GDF5: variants seen among roughly 807,000 people sequenced by gnomAD.
GDF5 encodes the protein growth/differentiation factor 5.
In GDF5, 17 loss-of-function variants were observed where a neutral mutation model predicts 34.6. That is an observed-to-expected ratio of 0.49 (90% CI 0.34 to 0.74). GDF5 has a LOEUF of 0.74. Ranked by LOEUF, GDF5 falls within the 30% of genes least tolerant of loss-of-function variation. The probability of loss-of-function intolerance (pLI) is 0.01; values close to 1 mark genes in which losing one functional copy is unlikely to be tolerated. For synonymous variants in GDF5, 332 were observed against 290.7 expected, an observed-to-expected ratio of 1.14 and a Z score of -1.44; for missense variants, 616 against 661.2, an observed-to-expected ratio of 0.93 and a Z score of 0.75.
chr20:35,446,342 A>G (rs973212578), intron 1 of GDF5, among the ~76,000 whole-genome samples: 1 of 152,160 alleles, frequency 6.6e-6, no homozygotes, highest in Non-Finnish European at 1.5e-5. Context: ...CTTGTATCAC[A>G]GAGTGGTTAT....
rs763975717 is a variant in GDF5, at chr20:35,434,812, T to G, written c.632-29A>C. 10 of 1,612,054 alleles carry G rather than the reference T, an allele frequency of 6.2e-6. No homozygotes were observed. In the East Asian group the frequency reaches 1.8e-4, roughly 29 times the overall value. ...GAGAGAACACCCAGAAGTCATTCCC[T>G]GCAACCTCACCAAGGGAGCCAGTCA... On this transcript the variant is annotated intron_variant, in intron 1 of 1. Transcript: ENST00000374369.
chr20:35,443,418 A>G (rs1027910747), intron 1 of GDF5, among the ~76,000 whole-genome samples: 1 of 152,098 alleles, frequency 6.6e-6, no homozygotes, highest in Non-Finnish European at 1.5e-5. Flanking sequence ...CCCTTCTGCC[A>G]TGTAGAGCCT....
Position 35,433,880 on chromosome 20 carries a change from C to T in GDF5, c.*29G>A. 6.2e-7 allele frequency: 1 copy of T among 1,601,240 alleles called. No individual in the cohort carries two copies. The highest frequency in any genetic ancestry group is 8.6e-7 in the Non-Finnish European group (1 of 1,168,388). On this transcript the variant is annotated 3_prime_UTR_variant, in exon 2 of 2. Coordinates refer to ENST00000374369, the MANE Select transcript of GDF5 (RefSeq NM_000557.5). ...TGCAGGAAGGGGCTCTTGGGATGTG[C>T]CACCCAGGAAGACAGAGGGCCAGTG...
chr20:35,450,747 A>C (rs1425709898), intron 1 of GDF5, among the ~76,000 whole-genome samples: 1 of 151,876 alleles, frequency 6.6e-6, no homozygotes, highest in Non-Finnish European at 1.5e-5. Flanking sequence ...AACAGGACCT[A>C]ATAGTCAGCA....
At chr20:35,449,310 G>C (rs1170230970) in intron 1 of GDF5, among the ~76,000 whole-genome samples, 1 of 151,162 alleles carries the variant, frequency 6.6e-6, no homozygotes, top group African/African-American at 2.4e-5. Flanking sequence ...GGGTCTTGCT[G>C]TGTTGCCCAG....
intron 1 of GDF5, among the ~76,000 whole-genome samples, chr20:35,453,534 AT>A (rs2062545179): frequency 6.6e-6 from 1 of 152,118 alleles, no homozygotes; most frequent in South Asian, 2.1e-4. Flanking sequence ...CTGTTGTGGG[AT>A]TATTTCCCTA....
In GDF5 at chr20:35,433,839, T is replaced by A; in HGVS notation, c.*70A>T. 3.1e-6 allele frequency: 4 copies of A among 1,294,282 alleles called. No individual in the cohort carries two copies. The highest frequency in any genetic ancestry group is 4.5e-6 in the Non-Finnish European group (4 of 890,510). The allele number at this position is 1,294,282 out of a possible 1,614,324, so 80.2% of individuals were successfully genotyped here. The stretch of plus-strand genomic sequence containing the variant: ...GCTCCTGCCACAGCTTCCTGACCCC[T>A]CTGTGATTCCAGGAGTGCAGGAAGG... On this transcript the variant is annotated 3_prime_UTR_variant, in exon 2 of 2. Coordinates refer to ENST00000374369, the MANE Select transcript of GDF5 (RefSeq NM_000557.5).
In GDF5 at chr20:35,434,086, G is replaced by A. The variant is rs950316163; in HGVS notation, c.1329C>T (p.Pro443=). Reference sequence around the variant, plus strand: ...GGGTCTGGATGACTGCATGATTCGTGGGCTCCAGGTGGGAGCGCAATGGGA... The same window carrying A: ...GGGTCTGGATGACTGCATGATTCGTAGGCTCCAGGTGGGAGCGCAATGGGA... The part of the protein sequence containing the change: ...CEFPLRSHLE[P]TNHAVIQTLM... The change falls in exon 2 of 2, where the codon CCC becomes CCT. Residue 443 remains proline (P), a synonymous_variant. Transcript: ENST00000374369. 1 of 1,614,132 alleles carries A rather than the reference G, an allele frequency of 6.2e-7. No homozygotes were observed. The highest frequency in any genetic ancestry group is 2.2e-5 in the East Asian group (1 of 44,882).
chr20:35,446,267 G>A (rs1308093693), intron 1 of GDF5, among the ~76,000 whole-genome samples: 1 of 151,810 alleles, frequency 6.6e-6, no homozygotes, highest in Non-Finnish European at 1.5e-5. Context: ...CTGAGATCCA[G>A]CCATTGCACT....
Position 35,434,222 on chromosome 20 carries a change from G to A in GDF5, c.1193C>T (p.Ala398Val). Residue 398 changes from alanine to valine, a missense_variant, in exon 2 of 2, where the codon GCT becomes GTT. Transcript: ENST00000374369. Reference protein sequence around the residue: ...QGKRPSKNLKARCSRKALHVN... With the variant: ...QGKRPSKNLKVRCSRKALHVN... The stretch of plus-strand genomic sequence containing the variant: ...ATGCAGTGCCTTCCGACTGCAGCGA[G>A]CCTTAAGGTTCTTGCTGGGTCGCTT... The A allele has an allele frequency of 6.2e-7, 1 of 1,614,218 alleles. No homozygotes were observed. The highest frequency in any genetic ancestry group is 8.5e-7 in the Non-Finnish European group (1 of 1,180,022).
At chr20:35,439,908 C>CTTTTTTTTTTT (rs34397706), upstream of GDF5, among the ~76,000 whole-genome samples, 2 of 71,634 alleles carry the variant, frequency 2.8e-5, no homozygotes, top group Non-Finnish European at 5.0e-5. Flanking sequence ...AGGCTTCCTT[C>CTTTTTTTTTTT]TTTTTTTTTT....
chr20:35,434,691 A>G lies in GDF5; in HGVS notation c.724T>C (p.Leu242=), dbSNP rs1185411341. ...GCCGTGTCCGAGGGCTTCTTCCGCA[A>G]GATCCGCAGCTCGGCCCCCAGCAGC... ...DGLLGAELRI[L]RKKPSDTAKP... Residue 242 remains leucine (L), a synonymous_variant, in exon 2 of 2, where the codon TTG becomes CTG. Transcript: ENST00000374369. The G allele has an allele frequency of 1.9e-6, 3 of 1,612,870 alleles. No homozygotes were observed. Among genetic ancestry groups the G allele is most frequent in the Non-Finnish European group, 2.5e-6 (3 of 1,179,748 alleles).
At chr20:35,434,841 C>G (rs750013214) in intron 1 of GDF5, 58 bp from the exon 2 acceptor site, 2 of 1,570,570 alleles carry the variant, frequency 1.3e-6, no homozygotes, top group Non-Finnish European at 1.8e-6. Flanking sequence ...CCAGTCACTT[C>G]GAGGCTGCGG....
chr20:35,434,376 G>T lies in GDF5; in HGVS notation c.1039C>A (p.Arg347Ser). Residue 347 changes from arginine to serine, a missense_variant, in exon 2 of 2, where the codon CGC becomes AGC. Physicochemically the swap from Arg to Ser is moderately radical, Grantham distance 110. Transcript: ENST00000374369. ...HEKALFLVFG[R>S]TKKRDLFFNE... ...AAGAACAGGTCCCGTTTCTTGGTGC[G>T]GCCAAACACCAGGAACAGGGCTTTC... The T allele has an allele frequency of 6.2e-7, 1 of 1,613,734 alleles. No homozygotes were observed. Among genetic ancestry groups the T allele is most frequent in the East Asian group, 2.2e-5 (1 of 44,872 alleles).
chr20:35,433,701 G>C lies in GDF5; in HGVS notation c.*208C>G. On this transcript the variant is annotated 3_prime_UTR_variant, in exon 2 of 2. Coordinates refer to ENST00000374369, the MANE Select transcript of GDF5 (RefSeq NM_000557.5). ...CTGCCACTGGTCACATCAGCAGACG[G>C]GCAGCAATCCTCAGCCAGGGGAACT... 1.6e-6 allele frequency: 1 copy of C among 638,686 alleles called. No individual in the cohort carries two copies. The highest frequency in any genetic ancestry group is 2.8e-6 in the Non-Finnish European group (1 of 351,602). The allele number at this position is 638,686 out of a possible 1,614,324, so 39.6% of individuals were successfully genotyped here.
chr20:35,444,200 G>A (rs527272440), intron 1 of GDF5, among the ~76,000 whole-genome samples: 3 of 152,270 alleles, frequency 2.0e-5, no homozygotes, highest in South Asian at 2.1e-4. Flanking sequence ...TCTCTTATGC[G>A]TTTGTTTGTC....
intron 1 of GDF5, among the ~76,000 whole-genome samples, chr20:35,452,516 G>A (rs1045381345): frequency 2.0e-5 from 3 of 152,160 alleles, no homozygotes; most frequent in African/African-American, 4.8e-5. Context: ...TCCGCCTCCC[G>A]GGTTCAAGTG....
At chr20:35,439,309 T>C (rs373609681), upstream of GDF5, among the ~76,000 whole-genome samples, 40 of 144,300 alleles carry the variant, frequency 2.8e-4, no homozygotes, top group African/African-American at 1.0e-3. Flanking sequence ...CTCACTGCAA[T>C]CTCTGCCTCC....
Position 35,433,588 on chromosome 20 carries a change from T to A in GDF5, c.*321A>T, listed in dbSNP as rs1601069551. The A allele has an allele frequency of 2.5e-6, 1 of 399,638 alleles. No individual in the cohort carries two copies. The highest frequency in any genetic ancestry group is 4.8e-6 in the Non-Finnish European group (1 of 209,538). The allele number at this position is 399,638 out of a possible 1,614,324, so 24.8% of individuals were successfully genotyped here. A position where few individuals can be genotyped will look rare whatever the true frequency, so the allele number is the denominator to read the frequency against. Reference sequence around the variant, plus strand: ...AGTCCAGAGGCTGAGAAGGCCCAGGTGAGGAGAAATGGTGGGCTGAGTCTC... The same window carrying A: ...AGTCCAGAGGCTGAGAAGGCCCAGGAGAGGAGAAATGGTGGGCTGAGTCTC... On this transcript the variant is annotated 3_prime_UTR_variant, in exon 2 of 2. Coordinates refer to ENST00000374369, the MANE Select transcript of GDF5 (RefSeq NM_000557.5).
Sources: allele counts gnomAD v4.1 joint callset (sites outside exome capture counted in the v4.1 genomes callset), GRCh38; gene constraint gnomAD v4.1.1; transcripts MANE v1.5; gene names NCBI Gene and HGNC (gene_info 2026-07-23, HGNC 2026-07-21).